Variants in NRK observed in about 807,000 individuals in gnomAD.
NRK encodes the protein nik-related protein kinase.
NRK carries 67 observed loss-of-function variants against 125.2 expected under a neutral mutation model. The observed-to-expected ratio is 0.54, with a 90% CI of 0.44 to 0.66. The LOEUF (loss-of-function observed/expected upper bound fraction) is 0.66. NRK is among the 30% of genes least tolerant of loss of function. NRK has a pLI of 0.00. For missense variants in NRK, 1,224 were observed against 1,192.9 expected (o/e 1.03, Z -0.38); for synonymous variants, 458 against 429.0 (o/e 1.07, Z -0.84).
intron 1 of NRK, among the ~76,000 whole-genome samples, chrX:105,823,267 T>A (rs1409318877): frequency 8.9e-6 from 1 of 112,132 alleles, no homozygotes; most frequent in Non-Finnish European, 1.9e-5. Context: ...AAGTGCAACG[T>A]CGGGTGGCTT....
At chrX:105,946,044 T>C (rs745893821) in intron 25 of NRK, 29 bp downstream of exon 25, 2 of 1,184,161 alleles carry the variant, frequency 1.7e-6, no homozygotes, top group East Asian at 3.0e-5. Context: ...GCAAACAGAA[T>C]GCAGGGTCAT....
intron 9 of NRK, among the ~76,000 whole-genome samples, chrX:105,903,413 T>A (rs2040183819): frequency 1.8e-5 from 2 of 111,668 alleles, no homozygotes; most frequent in Non-Finnish European, 3.8e-5. Context: ...ATTCCTTCAA[T>A]ATTCAGAAGA....
At chrX:105,826,242 A>T (rs1436648104) in intron 1 of NRK, among the ~76,000 whole-genome samples, 1 of 86,906 alleles carries the variant, frequency 1.2e-5, no homozygotes, top group Non-Finnish European at 2.2e-5. Flanking sequence ...ATCATATATA[A>T]TATATATGAT....
At chrX:105,831,664 A>G (rs2039194609) in intron 2 of NRK, among the ~76,000 whole-genome samples, 1 of 111,917 alleles carries the variant, frequency 8.9e-6, no homozygotes, top group Admixed American at 9.5e-5. Context: ...AACAAAGCAG[A>G]TAAAGTCCCT....
intron 26 of NRK, 105 bp downstream of exon 26, chrX:105,946,569 A>C: frequency 1.7e-6 from 1 of 582,623 alleles, no homozygotes; most frequent in East Asian, 3.5e-5. Context: ...AGTAATGTCT[A>C]TACCGGAACT....
At chrX:105,875,196 C>A (rs2039797859) in intron 2 of NRK, among the ~76,000 whole-genome samples, 1 of 111,676 alleles carries the variant, frequency 9.0e-6, no homozygotes, top group African/African-American at 3.2e-5. Flanking sequence ...CTCCAATAAA[C>A]TGTGAATAGA....
chrX:105,869,007 A>G (rs1382632403), intron 2 of NRK, among the ~76,000 whole-genome samples: 1 of 110,901 alleles, frequency 9.0e-6, no homozygotes, highest in Non-Finnish European at 1.9e-5. Flanking sequence ...TAAAATGCAC[A>G]TGTTGTACCA....
rs999863688 is a variant in NRK at position 105,939,766 on chromosome X, T to G, written c.3800-108T>G. 18 of 460,139 alleles carry G rather than the reference T, an allele frequency of 3.9e-5. No homozygotes were observed. The Admixed American group carries it at 8.9e-4, about 23-fold the overall frequency. 37.9% of individuals were successfully genotyped at this position (460,139 alleles called of 1,213,427 possible). A position where few individuals can be genotyped will look rare whatever the true frequency, so the allele number is the denominator to read the frequency against. ...ATGCAGTTTTTTTTAAGGTGCTTTT[T>G]ACGTTAATAAAGATATTTTTAAAAG... On this transcript the variant is annotated intron_variant, in intron 22 of 28. Coordinates refer to ENST00000243300, the MANE Select transcript of NRK (RefSeq NM_198465.4).
rs1197706746 is a variant in NRK, at chrX:105,953,086, G to A, written c.4566G>A (p.Val1522=). The A allele has an allele frequency of 1.7e-6, 2 of 1,196,709 alleles. No homozygotes were observed. Among genetic ancestry groups the A allele is most frequent in the Admixed American group, 2.2e-5 (1 of 45,435 alleles). ...GATGGGGCCAAAAGGCCATTGAAGT[G>A]CGCTCTTTGCAATCCAGGGTTCTGG... ...TTGWGQKAIE[V]RSLQSRVLES... The change falls in exon 28 of 29, where the codon GTG becomes GTA. Residue 1522 remains valine (V), a synonymous_variant. Coordinates refer to ENST00000243300, the MANE Select transcript of NRK (RefSeq NM_198465.4).
chrX:105,830,314 CAAAAAAAAAAAAA>C (rs71932033), intron 1 of NRK, among the ~76,000 whole-genome samples: 8 of 11,051 alleles, frequency 7.2e-4, no homozygotes, highest in Non-Finnish European at 1.2e-3. Flanking sequence ...AACTCCGTCG[CAAAAAAAAAAAAA>C]AAAAAAAAAA....
chrX:105,895,298 C>G (rs762841692), intron 6 of NRK, 135 bp from the exon 7 acceptor site: 1 of 551,545 alleles, frequency 1.8e-6, no homozygotes, highest in Non-Finnish European at 3.3e-6. Context: ...AGAATTGTGT[C>G]TGAAACATCA....
intron 26 of NRK, among the ~76,000 whole-genome samples, chrX:105,948,957 C>G (rs2040855890): frequency 9.0e-6 from 1 of 110,793 alleles, no homozygotes; most frequent in East Asian, 2.8e-4. Flanking sequence ...ATTATGTCAC[C>G]AAATATGTCT....
At chrX:105,826,535 G>T (rs994920852) in intron 1 of NRK, among the ~76,000 whole-genome samples, 1 of 104,773 alleles carries the variant, frequency 9.5e-6, no homozygotes, top group African/African-American at 3.5e-5. Context: ...ATTCCTCACG[G>T]CTGTGGCCTT....
At chrX:105,881,532 A>G (rs2039884246) in intron 3 of NRK, among the ~76,000 whole-genome samples, 176 bp from the exon 4 acceptor site, 1 of 112,052 alleles carries the variant, frequency 8.9e-6, no homozygotes, top group Non-Finnish European at 1.9e-5. Context: ...TTTGTTGCCA[A>G]ATTTCTGTAT....
chrX:105,826,770 GC>G (rs2039118810), intron 1 of NRK, among the ~76,000 whole-genome samples: 1 of 110,597 alleles, frequency 9.0e-6, no homozygotes, highest in Non-Finnish European at 1.9e-5. Flanking sequence ...AAGTTCCTTA[GC>G]CCCCTGTTCA....
chrX:105,948,495 T>G, intron 26 of NRK: 1 of 364,258 alleles, frequency 2.7e-6, no homozygotes, highest in Non-Finnish European at 4.7e-6. Flanking sequence ...ATCTAGTTAC[T>G]TCAGGAATCA....
chrX:105,908,842 C>A lies in NRK; in HGVS notation c.1201C>A (p.Pro401Thr), dbSNP rs781624302. The change falls in exon 13 of 29, where the codon CCA becomes ACA. Residue 401 changes from proline to threonine, a missense_variant. Physicochemically the swap from Pro to Thr is conservative, Grantham distance 38 (BLOSUM62 -1). Coordinates refer to ENST00000243300, the MANE Select transcript of NRK (RefSeq NM_198465.4). ...AAGGTGGCTACCTGATCGAGAAGAG[C>A]CACAGGTCCAGGCACTTCAGCAGCT... ...QPRWLPDREE[P>T]QVQALQQLQG... 8.3e-7 allele frequency: 1 copy of A among 1,209,769 alleles called. No homozygotes were observed. Among genetic ancestry groups the A allele is most frequent in the Non-Finnish European group, 1.1e-6 (1 of 893,905 alleles).
chrX:105,940,922 G>A (rs1413601347), intron 23 of NRK, among the ~76,000 whole-genome samples: 6 of 111,704 alleles, frequency 5.4e-5, no homozygotes, highest in African/African-American at 1.6e-4. Flanking sequence ...CTTTCTCAGG[G>A]TAGGTTTTTG....
Position 105,915,724 on chromosome X carries a change from T to C in NRK, c.2350-6T>C. Reference sequence around the variant, plus strand: ...TTCTACTGAAGTATTGCATTGTGTCTTTAAGGTTCAAGAGAGATCTCCTTC... The same window carrying C: ...TTCTACTGAAGTATTGCATTGTGTCCTTAAGGTTCAAGAGAGATCTCCTTC... On this transcript the variant is annotated splice_region_variant and splice_polypyrimidine_tract_variant and intron_variant, in intron 14 of 28. Transcript: ENST00000243300. The C allele has an allele frequency of 9.1e-7, 1 of 1,093,110 alleles. No homozygotes were observed. Among genetic ancestry groups the C allele is most frequent in the Non-Finnish European group, 1.3e-6 (1 of 794,178 alleles). 90.1% of individuals were successfully genotyped at this position (1,093,110 alleles called of 1,213,427 possible).
Sources: allele counts gnomAD v4.1 joint callset (sites outside exome capture counted in the v4.1 genomes callset), GRCh38; gene constraint gnomAD v4.1.1; transcripts MANE v1.5; gene names NCBI Gene and HGNC (gene_info 2026-07-23, HGNC 2026-07-21).